The following UNC5D variants were observed in gnomAD, a reference collection of about 807,000 sequenced individuals.
UNC5D encodes the protein unc-5 netrin receptor D.
Under a neutral mutation model 105.4 loss-of-function variants are expected in UNC5D, and 39 were observed. That is an observed-to-expected ratio of 0.37 (90% CI 0.29 to 0.48). The LOEUF (loss-of-function observed/expected upper bound fraction) is 0.48. UNC5D is among the 20% of genes least tolerant of loss of function. The probability of loss-of-function intolerance (pLI) is 0.98; values close to 1 mark genes in which losing one functional copy is unlikely to be tolerated. For missense variants in UNC5D, 991 were observed against 1,202.4 expected, an observed-to-expected ratio of 0.82 and a Z score of 2.60; for synonymous variants, 452 against 450.4, an observed-to-expected ratio of 1.00 and a Z score of -0.04.
intron 13 of UNC5D, among the ~76,000 whole-genome samples, chr8:35,756,879 A>G (rs1333086628): frequency 2.0e-5 from 3 of 152,204 alleles, no homozygotes; most frequent in Non-Finnish European, 2.9e-5. Flanking sequence ...CTTCATGTCC[A>G]TTAAGGAAAG....
intron 16 of UNC5D, 130 bp from the exon 17 acceptor site, chr8:35,790,229 A>T: frequency 3.1e-6 from 3 of 971,814 alleles, no homozygotes; most frequent in Non-Finnish European, 4.6e-6. Flanking sequence ...GACCTGCCTT[A>T]CTATAGCTTT....
intron 4 of UNC5D, among the ~76,000 whole-genome samples, chr8:35,602,365 G>C (rs1221057191): frequency 6.6e-6 from 1 of 152,184 alleles, no homozygotes; most frequent in Admixed American, 6.5e-5. Context: ...AATAGTTTCA[G>C]AAGGAATGGG....
intron 1 of UNC5D, among the ~76,000 whole-genome samples, chr8:35,417,944 C>T (rs750729160): frequency 6.6e-6 from 1 of 152,024 alleles, no homozygotes; most frequent in Non-Finnish European, 1.5e-5. Context: ...CTTCTGACTC[C>T]GATTTCCAGA....
chr8:35,746,812 C>T (rs1830030910), intron 11 of UNC5D, among the ~76,000 whole-genome samples: 1 of 152,210 alleles, frequency 6.6e-6, no homozygotes, highest in South Asian at 2.1e-4. Flanking sequence ...AGCATCCCTG[C>T]TATTCCTGTC....
At chr8:35,633,272 T>C (rs1822153626) in intron 4 of UNC5D, among the ~76,000 whole-genome samples, 1 of 152,216 alleles carries the variant, frequency 6.6e-6, no homozygotes, top group Non-Finnish European at 1.5e-5. Context: ...CTTGTTCACT[T>C]GCTGCCAGGT....
At chr8:35,478,338 T>C (rs991477729) in intron 1 of UNC5D, among the ~76,000 whole-genome samples, 1 of 152,178 alleles carries the variant, frequency 6.6e-6, no homozygotes, top group Non-Finnish European at 1.5e-5. Context: ...TTAAACTTGA[T>C]GTCAAAAGTT....
chr8:35,639,738 AT>A (rs1057476410), intron 4 of UNC5D, among the ~76,000 whole-genome samples: 42 of 152,204 alleles, frequency 2.8e-4, no homozygotes, highest in African/African-American at 9.9e-4. Context: ...CACATAAAGT[AT>A]TTTGACTTCT....
chr8:35,260,624 G>A (rs76255407), intron 1 of UNC5D, among the ~76,000 whole-genome samples: 2,311 of 152,140 alleles, frequency 0.015, 65 homozygotes, highest in African/African-American at 0.054. Flanking sequence ...CGGCCATACC[G>A]AGCTAATTGT....
At chr8:35,763,026 C>T (rs150569263) in intron 14 of UNC5D, among the ~76,000 whole-genome samples, 275 of 152,288 alleles carry the variant, frequency 1.8e-3, no homozygotes, top group African/African-American at 6.3e-3. Context: ...CACATAATTC[C>T]TCTCAGCTCA....
intron 1 of UNC5D, among the ~76,000 whole-genome samples, chr8:35,250,392 G>A (rs1803612665): frequency 6.6e-6 from 1 of 152,094 alleles, no homozygotes; most frequent in Non-Finnish European, 1.5e-5. Context: ...TTTAGATTCA[G>A]GGGGTGCATG....
At chr8:35,367,016 G>A (rs533608838) in intron 1 of UNC5D, among the ~76,000 whole-genome samples, 3 of 152,274 alleles carry the variant, frequency 2.0e-5, no homozygotes, top group African/African-American at 7.2e-5. Flanking sequence ...TTCTAATTTA[G>A]TTAACAGAAG....
At chr8:35,293,248 A>G (rs576943390) in intron 1 of UNC5D, among the ~76,000 whole-genome samples, 1 of 152,216 alleles carries the variant, frequency 6.6e-6, no homozygotes, top group African/African-American at 2.4e-5. Context: ...TTATGGGAAT[A>G]AATTATAATT....
At chr8:35,372,965 T>C (rs1802506150) in intron 1 of UNC5D, among the ~76,000 whole-genome samples, 1 of 152,342 alleles carries the variant, frequency 6.6e-6, no homozygotes, top group East Asian at 1.9e-4. Flanking sequence ...TTTGCCCACT[T>C]CAATGAGTGC....
chr8:35,246,950 A>G (rs374527826), intron 1 of UNC5D, among the ~76,000 whole-genome samples: 3 of 152,104 alleles, frequency 2.0e-5, no homozygotes, highest in African/African-American at 7.2e-5. Flanking sequence ...TTACATTGCT[A>G]AAAAGGGCCC....
intron 1 of UNC5D, among the ~76,000 whole-genome samples, chr8:35,396,924 T>G (rs1804142033): frequency 6.6e-6 from 1 of 152,056 alleles, no homozygotes; most frequent in Non-Finnish European, 1.5e-5. Flanking sequence ...TTTGTTTTTT[T>G]GTTATTTTGA....
At position 35,783,207 on chromosome 8, in the gene UNC5D, TA is replaced by T. The variant is rs1470383223; in HGVS notation, c.2658-7149del. 7.2e-5 allele frequency among the ~76,000 whole-genome samples: 11 copies of T among 152,168 alleles called. No individual in the cohort carries two copies. In the East Asian group the frequency reaches 1.9e-3, roughly 27 times the overall value. ...TAAGTAGCAACATTTTTTAAACAGT[TA>T]AACTTGCTGCCCTCACGTCACAGGT... is the stretch of plus-strand genomic sequence containing the variant. On this transcript the variant is annotated intron_variant, in intron 16 of 16. Transcript: ENST00000404895.
At chr8:35,337,742 A>G (rs143993352) in intron 1 of UNC5D, among the ~76,000 whole-genome samples, 2 of 151,198 alleles carry the variant, frequency 1.3e-5, no homozygotes, top group Non-Finnish European at 2.9e-5. Context: ...GACTGACTCT[A>G]TTTCTTTCTT....
chr8:35,282,078 C>T (rs959593318), intron 1 of UNC5D, among the ~76,000 whole-genome samples: 10 of 152,318 alleles, frequency 6.6e-5, no homozygotes, highest in African/African-American at 2.4e-4. Flanking sequence ...CAAAGGCTCA[C>T]AGCAATTTGC....
intron 1 of UNC5D, among the ~76,000 whole-genome samples, chr8:35,377,432 G>A (rs1015130057): frequency 6.6e-6 from 1 of 152,190 alleles, no homozygotes; most frequent in African/African-American, 2.4e-5. Flanking sequence ...GGCATTGAGT[G>A]CTCCGTGTGT....
Sources: gnomAD v4.1 joint callset for allele counts (sites outside exome capture counted in the v4.1 genomes callset) on GRCh38, gnomAD v4.1.1 for gene constraint, MANE v1.5 for transcripts, NCBI Gene and HGNC (gene_info 2026-07-23, HGNC 2026-07-21) for gene names.